SMG1: variants seen among roughly 807,000 people sequenced by gnomAD.
SMG1 encodes the protein SMG1 nonsense mediated mRNA decay associated PI3K related kinase.
In SMG1, 22 loss-of-function variants were observed where a neutral mutation model predicts 419.9. That is an observed-to-expected ratio of 0.05 (90% confidence interval 0.04 to 0.07). The LOEUF is 0.07. Ranked by LOEUF, SMG1 falls within the 10% of genes least tolerant of loss-of-function variation. The probability of loss-of-function intolerance (pLI) is 1.00; values close to 1 mark genes in which losing one functional copy is unlikely to be tolerated. For missense variants in SMG1, 3,185 were observed against 4,342.0 expected, an observed-to-expected ratio of 0.73 and a Z score of 7.49; for synonymous variants, 1,538 against 1,553.5, an observed-to-expected ratio of 0.99 and a Z score of 0.23.
chr16:18,837,046 GTCAT>G (rs1201602664), intron 46 of SMG1, among the ~76,000 whole-genome samples: 1 of 152,090 alleles, frequency 6.6e-6, no homozygotes, highest in African/African-American at 2.4e-5. Context: ...CCCATAATTA[GTCAT>G]TCAAACATTT....
In SMG1 at chr16:18,830,273, T is replaced by C; in HGVS notation, c.8889A>G (p.Ala2963=). ...KMSAGQMLLV[A]FDGMFAQVET... is the part of the protein sequence containing the mutation. ...CAACTTGAGCAAACATGCCATCGAA[T>C]GCTACCAAAAGCATCTGGCCAGCTG... The change falls in exon 52 of 63, where the codon GCA becomes GCG. Residue 2963 remains alanine, a synonymous_variant. Transcript: ENST00000446231. 6.2e-7 allele frequency: 1 copy of C among 1,614,000 alleles called. No individual in the cohort carries two copies. The highest frequency in any genetic ancestry group is 8.5e-7 in the Non-Finnish European group (1 of 1,179,872).
intron 41 of SMG1, among the ~76,000 whole-genome samples, 164 bp downstream of exon 41, chr16:18,841,401 A>G (rs2033916998): frequency 6.8e-6 from 1 of 148,050 alleles, no homozygotes; most frequent in Non-Finnish European, 1.5e-5. Flanking sequence ...GTGTCTCAAA[A>G]AAAAAAAAAA....
At chr16:18,817,204 G>A (rs1351949168) in intron 57 of SMG1, 87 bp downstream of exon 57, 5 of 1,143,558 alleles carry the variant, frequency 4.4e-6, no homozygotes, top group African/African-American at 1.7e-5. Flanking sequence ...TATGCTCAAC[G>A]AATGTAATCG....
chr16:18,845,603 C>T lies in SMG1; in HGVS notation c.6045G>A (p.Lys2015=). 3.1e-6 allele frequency: 5 copies of T among 1,613,254 alleles called. No homozygotes were observed. Among genetic ancestry groups the T allele is most frequent in the Non-Finnish European group, 4.2e-6 (5 of 1,179,876 alleles). The change falls in exon 39 of 63, where the codon AAG becomes AAA. Residue 2015 remains lysine (K), a synonymous_variant. Transcript: ENST00000446231. Reference sequence around the variant, plus strand: ...CATGCTCCAAAGCAAATACGATGGGCTTCATCAAAGCTGTGTGCTTCTCCC... The same window carrying T: ...CATGCTCCAAAGCAAATACGATGGGTTTCATCAAAGCTGTGTGCTTCTCCC... ...IMREKHTALM[K]PIVFALEHVR...
rs1596478040 is a variant in SMG1, at chr16:18,830,000, A to G, written c.9059T>C (p.Ile3020Thr). The G allele has an allele frequency of 1.3e-6, 2 of 1,591,566 alleles. No homozygotes were observed. The highest frequency in any genetic ancestry group is 1.7e-6 in the Non-Finnish European group (2 of 1,168,274). The change falls in exon 53 of 63, where the codon ATT becomes ACT. Residue 3020 changes from isoleucine to threonine, a missense_variant. Coordinates refer to ENST00000446231, the MANE Select transcript of SMG1 (RefSeq NM_015092.5). ...AGTCTGTAGTCTTTTTAGAAAGAAA[A>G]TCTCTTCTAGCACCTGCCGGTGATT... is the stretch of plus-strand genomic sequence containing the variant. ...DDNHRQVLEEIFFLKRLQTIK... is the reference protein window; with the variant it reads ...DDNHRQVLEETFFLKRLQTIK...
intron 1 of SMG1, among the ~76,000 whole-genome samples, chr16:18,919,841 C>T (rs561384452): frequency 1.1e-4 from 16 of 152,178 alleles, no homozygotes; most frequent in South Asian, 1.0e-3. Context: ...GTGTCTCACT[C>T]CTGTAATCCC....
Position 18,892,318 on chromosome 16 carries a change from G to A in SMG1, c.449C>T (p.Ser150Leu), listed in dbSNP as rs971339771. 4.3e-5 allele frequency: 66 copies of A among 1,549,438 alleles called. No homozygotes were observed. The highest frequency in any genetic ancestry group is 1.2e-4 in the Admixed American group (6 of 50,958). The change falls in exon 4 of 63, where the codon TCG becomes TTG. Residue 150 changes from serine to leucine, a missense_variant. Around this residue, in one of 27 missense-constraint regions of SMG1, gnomAD observed 23 missense variants for 20.5 expected, o/e 1.12. Coordinates refer to ENST00000446231, the MANE Select transcript of SMG1 (RefSeq NM_015092.5). ...CCGGGTGATCCTCCGAAGAAGATTC[G>A]ACAGTCGAGACTCATCAGAATAAGA... The part of the protein sequence containing the change: ...SMSYSDESRL[S>L]NLLRRITRED...
chr16:18,871,550 A>G, intron 15 of SMG1, 68 bp from the exon 16 acceptor site: 1 of 687,434 alleles, frequency 1.5e-6, no homozygotes, highest in South Asian at 2.5e-5. Context: ...TTAAAAGCCT[A>G]GTCTTCTTAC....
chr16:18,816,584 TTTC>T, intron 57 of SMG1, 55 bp from the exon 58 acceptor site: 5 of 1,432,366 alleles, frequency 3.5e-6, no homozygotes, highest in African/African-American at 1.4e-5. Context: ...TAATGAGTTC[TTTC>T]TTCATTAACA....
intron 39 of SMG1, among the ~76,000 whole-genome samples, chr16:18,844,561 A>C (rs2034140098): frequency 4.7e-5 from 2 of 43,008 alleles, no homozygotes; most frequent in African/African-American, 1.5e-4. Context: ...AATAAACTTC[A>C]TCCTTCTCTC....
rs539952519 is a variant in SMG1 at position 18,831,814 on chromosome 16, A to C, written c.8792+1126T>G. Among the ~76,000 whole-genome samples the C allele has an allele frequency of 4.7e-5, 7 of 149,304 alleles. No homozygotes were observed. The South Asian group carries it at 1.5e-3, about 31-fold the overall frequency. On this transcript the variant is annotated intron_variant, in intron 51 of 62. Coordinates refer to ENST00000446231, the MANE Select transcript of SMG1 (RefSeq NM_015092.5). ...ATACACACACACGTACATATTTATG[A>C]ATATATATGAATATATTTATTATTT... is the stretch of plus-strand genomic sequence containing the variant.
intron 57 of SMG1, among the ~76,000 whole-genome samples, chr16:18,817,088 A>G (rs1227838069): frequency 1.8e-5 from 2 of 113,428 alleles, no homozygotes; most frequent in African/African-American, 7.1e-5. Flanking sequence ...CTCATTTTTT[A>G]TATTTTTAAA....
At chr16:18,894,268 T>A (rs1198382532) in intron 3 of SMG1, among the ~76,000 whole-genome samples, 1 of 151,986 alleles carries the variant, frequency 6.6e-6, no homozygotes, top group African/African-American at 2.4e-5. Flanking sequence ...ACTGGTATCC[T>A]GAACTTAAAA....
intron 1 of SMG1, among the ~76,000 whole-genome samples, chr16:18,897,882 G>A (rs1204920683): frequency 6.6e-6 from 1 of 150,494 alleles, no homozygotes; most frequent in Non-Finnish European, 1.5e-5. Context: ...ATTTTCTCCT[G>A]AGAGGAACAA....
chr16:18,864,876 G>T (rs2035416670), intron 23 of SMG1, among the ~76,000 whole-genome samples: 1 of 152,134 alleles, frequency 6.6e-6, no homozygotes, highest in South Asian at 2.1e-4. Context: ...CGACTATGGT[G>T]GGGGGAGGTT....
At chr16:18,883,242 C>T (rs190983070) in intron 9 of SMG1, among the ~76,000 whole-genome samples, 32 of 152,296 alleles carry the variant, frequency 2.1e-4, no homozygotes, top group East Asian at 9.7e-4. Context: ...AGTTAAGCCA[C>T]GACAGTGGGG....
At chr16:18,811,916 A>C in intron 61 of SMG1, 32 bp downstream of exon 61, 1 of 1,612,702 alleles carries the variant, frequency 6.2e-7, no homozygotes, top group Non-Finnish European at 8.5e-7. Context: ...TTTTATATAA[A>C]AATTTAAGGC....
At chr16:18,829,778 G>A (rs760651157) in intron 53 of SMG1, 23 bp from the exon 54 acceptor site, 1 of 1,568,874 alleles carries the variant, frequency 6.4e-7, no homozygotes, top group Non-Finnish European at 8.6e-7. Context: ...AAAATTTCTT[G>A]TATTTCATGA....
In SMG1 at chr16:18,842,401, A is replaced by G; in HGVS notation, c.6273T>C (p.Arg2091=). The change falls in exon 40 of 63, where the codon CGT becomes CGC. Residue 2091 remains arginine (R), a synonymous_variant. Transcript: ENST00000446231. ...CCAACCATGGACTGATTTCTTCAAG[A>G]CGCAAGATGTAACTTGCACGTTTCT... is the stretch of plus-strand genomic sequence containing the variant. ...RAQKRASYIL[R]LEEISPWLAA... is the part of the protein sequence containing the mutation. 6.2e-7 allele frequency: 1 copy of G among 1,613,974 alleles called. No homozygotes were observed. The highest frequency in any genetic ancestry group is 1.1e-5 in the South Asian group (1 of 91,082).
Sources: gnomAD v4.1 joint callset for allele counts (sites outside exome capture counted in the v4.1 genomes callset) on GRCh38, gnomAD v4.1.1 for gene constraint, gnomAD v4.1.1 regional missense constraint, MANE v1.5 for transcripts, NCBI Gene and HGNC (gene_info 2026-07-23, HGNC 2026-07-21) for gene names.